Variants in ROCK2 observed in about 807,000 individuals in gnomAD.
ROCK2 encodes the protein Rho associated coiled-coil containing protein kinase 2.
Under a neutral mutation model 195.1 loss-of-function variants are expected in ROCK2, and 61 were observed. The observed-to-expected ratio is 0.31, with a 90% confidence interval of 0.25 to 0.39. The LOEUF (loss-of-function observed/expected upper bound fraction) is 0.39. Ranked by LOEUF, ROCK2 falls within the 10% of genes least tolerant of loss-of-function variation. The pLI is 1.00. For synonymous variants in ROCK2, 504 were observed against 545.5 expected, an observed-to-expected ratio of 0.92 and a Z score of 1.06; for missense variants, 1,109 against 1,637.4, an observed-to-expected ratio of 0.68 and a Z score of 5.57.
intron 3 of ROCK2, among the ~76,000 whole-genome samples, chr2:11,285,593 C>T (rs1259347581): frequency 1.3e-5 from 2 of 152,038 alleles, no homozygotes; most frequent in African/African-American, 4.8e-5. Flanking sequence ...TCTGGGAGGC[C>T]GAGCAGGTAG....
Position 11,245,456 on chromosome 2 carries a change from T to C in ROCK2, c.462+4205A>G, listed in dbSNP as rs574911466. ...TATCAAGTATTTGCTAAAACTGTGG[T>C]GAAAGAGAACATCTATTGTACAAAG... is the stretch of plus-strand genomic sequence containing the variant. On this transcript the variant is annotated intron_variant, in intron 4 of 32. Transcript: ENST00000315872. Among the ~76,000 whole-genome samples, 6 of 152,128 alleles carry C rather than the reference T, an allele frequency of 3.9e-5. No homozygotes were observed. The East Asian group carries it at 9.7e-4, about 24-fold the overall frequency.
chr2:11,189,760 T>C (rs116042813), intron 32 of ROCK2, among the ~76,000 whole-genome samples: 6,466 of 151,980 alleles, frequency 0.043, 276 homozygotes, highest in Non-Finnish European at 0.06. Context: ...GGTGGGAGGA[T>C]TGCTTAAGGC....
intron 1 of ROCK2, among the ~76,000 whole-genome samples, chr2:11,317,591 TATATATATATATATA>T (rs1162484666): frequency 1.4e-4 from 2 of 13,940 alleles, no homozygotes; most frequent in African/African-American, 2.3e-4. Flanking sequence ...TATATATATA[TATATATATATATATA>T]TATATATTTT....
At chr2:11,231,683 G>GT (rs995089675) in intron 5 of ROCK2, among the ~76,000 whole-genome samples, 35 of 149,786 alleles carry the variant, frequency 2.3e-4, no homozygotes, top group East Asian at 3.9e-4. Context: ...ATTTAGATAA[G>GT]TTTTTTTTTT....
intron 3 of ROCK2, among the ~76,000 whole-genome samples, chr2:11,278,875 A>G (rs1666912221): frequency 6.6e-6 from 1 of 152,130 alleles, no homozygotes; most frequent in African/African-American, 2.4e-5. Flanking sequence ...TGGCCTCTCA[A>G]AGTGCTGAGA....
At position 11,181,456 on chromosome 2, in the gene ROCK2, G is replaced by A. The variant is rs1055355267; in HGVS notation, c.*1981C>T. On this transcript the variant is annotated 3_prime_UTR_variant, in exon 33 of 33. Transcript: ENST00000315872. ...AGCACAGACAGCACAGCAGAGTGCA[G>A]ACTGGAGAACGTTAAGAATAACAAA... is the stretch of plus-strand genomic sequence containing the variant. The A allele has an allele frequency of 2.0e-5, 3 of 151,862 alleles. No individual in the cohort carries two copies. The highest frequency in any genetic ancestry group is 7.3e-5 in the African/African-American group (3 of 41,374). The allele number at this position is 151,862 out of a possible 1,614,324, so 9.4% of individuals were successfully genotyped here. A position where few individuals can be genotyped will look rare whatever the true frequency, so the allele number is the denominator to read the frequency against.
At chr2:11,296,005 G>GGGGAGAGAGGGAGAGAGAGAGAGA (rs766082679) in intron 1 of ROCK2, among the ~76,000 whole-genome samples, 1 of 10,334 alleles carries the variant, frequency 9.7e-5, no homozygotes, top group Admixed American at 2.3e-3. Flanking sequence ...GAGAGAGAGA[G>GGGGAGAGAGGGAGAGAGAGAGAGA]GAGAGAGAGA....
intron 1 of ROCK2, among the ~76,000 whole-genome samples, chr2:11,295,969 AGAGAGAGAGAGAGAGAGAGAG>A (rs1667502504): frequency 4.1e-5 from 3 of 72,310 alleles, no homozygotes; most frequent in African/African-American, 1.3e-4. Context: ...AAAACAAAAG[AGAGAGAGAGAGAGAGAGAGAG>A]GAGAGAGAGA....
At chr2:11,294,659 T>C (rs1024319161) in intron 1 of ROCK2, among the ~76,000 whole-genome samples, 2 of 152,230 alleles carry the variant, frequency 1.3e-5, no homozygotes, top group Non-Finnish European at 2.9e-5. Flanking sequence ...GATGGGAAGA[T>C]ATGAATCAAA....
intron 3 of ROCK2, among the ~76,000 whole-genome samples, chr2:11,270,269 T>C (rs902211939): frequency 2.0e-5 from 3 of 152,194 alleles, no homozygotes; most frequent in African/African-American, 7.2e-5. Context: ...AGGCTTTTTC[T>C]TCTCTTGGCT....
chr2:11,210,463 C>T (rs144266580), intron 18 of ROCK2, among the ~76,000 whole-genome samples: 6 of 152,084 alleles, frequency 3.9e-5, no homozygotes, highest in African/African-American at 9.6e-5. Context: ...GAGTCCTACT[C>T]CCAAGTAGCT....
chr2:11,300,842 T>C (rs537449581), intron 1 of ROCK2, among the ~76,000 whole-genome samples: 18 of 152,162 alleles, frequency 1.2e-4, no homozygotes, highest in African/African-American at 4.3e-4. Context: ...TGTAAAATGA[T>C]CTACTAAGGT....
At chr2:11,245,557 C>A (rs72787632) in intron 4 of ROCK2, among the ~76,000 whole-genome samples, 6,473 of 152,204 alleles carry the variant, frequency 0.043, 279 homozygotes, top group Non-Finnish European at 0.06. Flanking sequence ...AATGTGCATA[C>A]CATCTGACCT....
At chr2:11,257,317 AGGCGGTGCTGGCAGCTGCAGT>A (rs1430461838) in intron 3 of ROCK2, among the ~76,000 whole-genome samples, 6 of 151,302 alleles carry the variant, frequency 4.0e-5, no homozygotes, top group Non-Finnish European at 7.4e-5. Context: ...GCGACGGCAG[AGGCGGTGCTGGCAGCTGCAGT>A]GGCGGCGTCA....
chr2:11,211,674 T>C lies in ROCK2; in HGVS notation c.2203+7A>G. 6.3e-7 allele frequency: 1 copy of C among 1,590,184 alleles called. No homozygotes were observed. The highest frequency in any genetic ancestry group is 1.2e-5 in the South Asian group (1 of 86,800). On this transcript the variant is annotated splice_region_variant and intron_variant, in intron 18 of 32. Coordinates refer to ENST00000315872, the MANE Select transcript of ROCK2 (RefSeq NM_004850.5). ...CTGCTGGAAAACCCTCTTTAAAAAA[T>C]GCATACCTTTCATGGCTTCTGATTT...
At chr2:11,240,735 C>T (rs72787619) in intron 4 of ROCK2, among the ~76,000 whole-genome samples, 6,469 of 152,286 alleles carry the variant, frequency 0.042, 279 homozygotes, top group Non-Finnish European at 0.06. Context: ...CTAAAGCATA[C>T]ACTTCACGCA....
chr2:11,209,091 T>C (rs1664162017), intron 18 of ROCK2, among the ~76,000 whole-genome samples: 1 of 152,234 alleles, frequency 6.6e-6, no homozygotes, highest in East Asian at 1.9e-4. Context: ...TGCTATTCTA[T>C]GTCTCTCAGT....
Position 11,208,350 on chromosome 2 carries a change from G to A in ROCK2, c.2301C>T (p.Asp767=). 1.3e-6 allele frequency: 2 copies of A among 1,522,246 alleles called. No individual in the cohort carries two copies. Among genetic ancestry groups the A allele is most frequent in the Non-Finnish European group, 1.8e-6 (2 of 1,124,202 alleles). The allele number at this position is 1,522,246 out of a possible 1,614,324, so 94.3% of individuals were successfully genotyped here. A position where few individuals can be genotyped will look rare whatever the true frequency, so the allele number is the denominator to read the frequency against. ...TTATTTTCTGCTGTGACTGTTTGAG[G>A]TCACAGTCTAATAGAGAACATCTTT... ...AEKRCSLLDC[D]LKQSQQKINE... The change falls in exon 19 of 33, where the codon GAC becomes GAT. Residue 767 remains aspartate (D), a synonymous_variant. Coordinates refer to ENST00000315872, the MANE Select transcript of ROCK2 (RefSeq NM_004850.5).
At chr2:11,232,753 A>C (rs536295945) in intron 5 of ROCK2, among the ~76,000 whole-genome samples, 1 of 152,348 alleles carries the variant, frequency 6.6e-6, no homozygotes, top group Admixed American at 6.5e-5. Flanking sequence ...ACACAATGGA[A>C]GATGATATCA....
Sources: gnomAD v4.1 joint callset for allele counts (sites outside exome capture counted in the v4.1 genomes callset) on GRCh38, gnomAD v4.1.1 for gene constraint, MANE v1.5 for transcripts, NCBI Gene and HGNC (gene_info 2026-07-23, HGNC 2026-07-21) for gene names.